SOD1: variants seen among roughly 807,000 people sequenced by gnomAD.
The protein encoded by SOD1 is superoxide dismutase [Cu-Zn].
In SOD1, 8 loss-of-function variants were observed where a neutral mutation model predicts 15.9. The observed-to-expected ratio is 0.50, with a 90% CI of 0.30 to 0.91. SOD1 has a LOEUF of 0.91. Ranked by LOEUF, SOD1 falls within the 40% of genes least tolerant of loss-of-function variation. The pLI is 0.07. For missense variants in SOD1, 137 were observed against 194.5 expected (o/e 0.70, Z 1.76); for synonymous variants, 86 against 71.2 (o/e 1.21, Z -1.04).
chr21:31,665,264 A>G (rs2049583308), intron 2 of SOD1, among the ~76,000 whole-genome samples: 1 of 152,206 alleles, frequency 6.6e-6, no homozygotes, highest in South Asian at 2.1e-4. Flanking sequence ...TGGGATTGGA[A>G]GCAAGTTAAC....
At chr21:31,663,542 C>T (rs2049567126) in intron 1 of SOD1, among the ~76,000 whole-genome samples, 1 of 152,154 alleles carries the variant, frequency 6.6e-6, no homozygotes, top group African/African-American at 2.4e-5. Flanking sequence ...AATCATGAAG[C>T]CTGGCCACAG....
intron 1 of SOD1, 127 bp downstream of exon 1, chr21:31,659,968 C>T: frequency 1.2e-6 from 1 of 851,854 alleles, no homozygotes; most frequent in Non-Finnish European, 1.8e-6. Context: ...CGGTCCCGGC[C>T]CGTGCCGCCC....
intron 3 of SOD1, 142 bp from the exon 4 acceptor site, chr21:31,667,116 T>G: frequency 1.4e-6 from 1 of 700,654 alleles, no homozygotes; most frequent in Non-Finnish European, 2.6e-6. Flanking sequence ...ACGTGAAGCC[T>G]TGTTTGAAGA....
intron 1 of SOD1, among the ~76,000 whole-genome samples, chr21:31,662,390 CCCTT>C (rs2049555484): frequency 6.6e-6 from 1 of 152,040 alleles, no homozygotes; most frequent in Non-Finnish European, 1.5e-5. Flanking sequence ...GGGTTAATGC[CCCTT>C]AACTGTTGGC....
chr21:31,662,333 TACTTC>T lies in SOD1; in HGVS notation c.73-1455_73-1451del, dbSNP rs576030849. Among the ~76,000 whole-genome samples the T allele has an allele frequency of 9.6e-4, 146 of 152,352 alleles. 5 individuals carry two copies. The South Asian group carries it at 0.016, about 17-fold the overall frequency. ...TTTAAAAAGGCAGCAATTGCCAGGATACTTCATTTGAGCAATGATATTTTCCAGTG... is the reference window on the plus strand; with the variant it reads ...TTTAAAAAGGCAGCAATTGCCAGGATATTTGAGCAATGATATTTTCCAGTG... On this transcript the variant is annotated intron_variant, in intron 1 of 4. Coordinates refer to ENST00000270142, the MANE Select transcript of SOD1 (RefSeq NM_000454.5).
At chr21:31,667,989 T>C (rs1014464295) in intron 4 of SOD1, among the ~76,000 whole-genome samples, 3 of 144,576 alleles carry the variant, frequency 2.1e-5, no homozygotes, top group African/African-American at 5.2e-5. Flanking sequence ...AAAGGTTTGT[T>C]GAACAAAATT....
intron 4 of SOD1, 65 bp from the exon 5 acceptor site, chr21:31,668,406 G>C (rs532358455): frequency 2.6e-5 from 26 of 987,476 alleles, no homozygotes; most frequent in Non-Finnish European, 4.1e-5. Context: ...CATCTTTTGG[G>C]TATTGTTGGG....
In SOD1 at chr21:31,659,716, T is replaced by C. The variant is rs555453865; in HGVS notation, c.-54T>C. On this transcript the variant is annotated 5_prime_UTR_variant, in exon 1 of 5. Coordinates refer to ENST00000270142, the MANE Select transcript of SOD1 (RefSeq NM_000454.5). ...TTGCGTCGTAGTCTCCTGCAGCGTC[T>C]GGGGTTTCCGTTGCAGTCCTCGGAA... The C allele has an allele frequency of 2.5e-6, 4 of 1,573,836 alleles. No individual in the cohort carries two copies. The highest frequency in any genetic ancestry group is 2.2e-5 in the East Asian group (1 of 44,698).
At chr21:31,659,895 C>T (rs2049532829) in intron 1 of SOD1, 54 bp downstream of exon 1, 4 of 1,569,910 alleles carry the variant, frequency 2.5e-6, no homozygotes, top group Admixed American at 3.3e-5. Flanking sequence ...CGCTCGTCCC[C>T]CCGCGCACCT....
rs372540831 is a variant in SOD1 at position 31,668,557 on chromosome 21, T to G, written c.444T>G (p.Gly148=). The change falls in exon 5 of 5, where the codon GGT becomes GGG. Residue 148 remains glycine, a synonymous_variant. Coordinates refer to ENST00000270142, the MANE Select transcript of SOD1 (RefSeq NM_000454.5). The part of the protein sequence containing the change: ...TGNAGSRLAC[G]VIGIAQ ...ACGCTGGAAGTCGTTTGGCTTGTGG[T>G]GTAATTGGGATCGCCCAATAAACAT... 1 of 1,613,658 alleles carries G rather than the reference T, an allele frequency of 6.2e-7. No individual in the cohort carries two copies. Among genetic ancestry groups the G allele is most frequent in the African/African-American group, 1.3e-5 (1 of 74,920 alleles).
At chr21:31,663,748 CT>C in intron 1 of SOD1, 41 bp from the exon 2 acceptor site, 2 of 1,470,988 alleles carry the variant, frequency 1.4e-6, no homozygotes, top group Non-Finnish European at 1.9e-6. Context: ...CAGCTGTTTT[CT>C]TTGTTCAGAA....
chr21:31,665,857 A>G (rs1221358482), intron 2 of SOD1, among the ~76,000 whole-genome samples: 2 of 152,186 alleles, frequency 1.3e-5, no homozygotes, highest in Non-Finnish European at 2.9e-5. Context: ...GATTTTAATA[A>G]TAGAAAAACT....
At chr21:31,661,132 A>G (rs2049545285) in intron 1 of SOD1, among the ~76,000 whole-genome samples, 1 of 152,246 alleles carries the variant, frequency 6.6e-6, no homozygotes, top group African/African-American at 2.4e-5. Context: ...AATATTTACT[A>G]TACGAATGAG....
In SOD1 at chr21:31,659,803, G is replaced by T. The variant is rs762628133; in HGVS notation, c.34G>T (p.Asp12Tyr). The T allele has an allele frequency of 3.1e-6, 5 of 1,613,790 alleles. No homozygotes were observed. The highest frequency in any genetic ancestry group is 3.4e-6 in the Non-Finnish European group (4 of 1,179,914). Reference protein sequence around the residue: ...ATKAVCVLKGDGPVQGIINFE... With the variant: ...ATKAVCVLKGYGPVQGIINFE... ...GAAGGCCGTGTGCGTGCTGAAGGGC[G>T]ACGGCCCAGTGCAGGGCATCATCAA... The change falls in exon 1 of 5, where the codon GAC becomes TAC. Residue 12 changes from aspartate to tyrosine, a missense_variant. Coordinates refer to ENST00000270142, the MANE Select transcript of SOD1 (RefSeq NM_000454.5).
At chr21:31,661,641 C>G (rs1382083576) in intron 1 of SOD1, 1 of 152,606 alleles carries the variant, frequency 6.6e-6, no homozygotes, top group Non-Finnish European at 1.5e-5. Flanking sequence ...GGATTACAGG[C>G]GTGAGCCACC....
chr21:31,663,175 C>T (rs1259522664), intron 1 of SOD1, among the ~76,000 whole-genome samples: 1 of 146,614 alleles, frequency 6.8e-6, no homozygotes, highest in Non-Finnish European at 1.5e-5. Context: ...AAAGGGTGTG[C>T]GTGGAGAAAA....
intron 2 of SOD1, among the ~76,000 whole-genome samples, chr21:31,666,074 C>T (rs1241739127): frequency 2.7e-5 from 4 of 150,768 alleles, no homozygotes; most frequent in African/African-American, 4.9e-5. Flanking sequence ...CAGGTTCAAG[C>T]GATTCTCCTG....
In SOD1 at chr21:31,659,765, G is replaced by A. The variant is rs1351127419; in HGVS notation, c.-5G>A. On this transcript the variant is annotated 5_prime_UTR_variant, in exon 1 of 5. Coordinates refer to ENST00000270142, the MANE Select transcript of SOD1 (RefSeq NM_000454.5). ...AACCAGGACCTCGGCGTGGCCTAGC[G>A]AGTTATGGCGACGAAGGCCGTGTGC... The A allele has an allele frequency of 2.5e-6, 4 of 1,613,896 alleles. No homozygotes were observed. The highest frequency in any genetic ancestry group is 3.4e-6 in the Non-Finnish European group (4 of 1,179,872).
intron 4 of SOD1, 63 bp downstream of exon 4, chr21:31,667,438 C>CT (rs1225699958): frequency 1.2e-5 from 14 of 1,183,938 alleles, no homozygotes; most frequent in Non-Finnish European, 1.6e-5. Flanking sequence ...TATCTTTTCA[C>CT]TTTGATTGTT....
Sources: gnomAD v4.1 joint callset for allele counts (sites outside exome capture counted in the v4.1 genomes callset) on GRCh38, gnomAD v4.1.1 for gene constraint, MANE v1.5 for transcripts, NCBI Gene and HGNC (gene_info 2026-07-23, HGNC 2026-07-21) for gene names.